Variants in JPH2 observed in about 807,000 individuals in gnomAD.
The protein encoded by JPH2 is junctophilin 2.
Under a neutral mutation model 55.9 loss-of-function variants are expected in JPH2, and 38 were observed. The observed-to-expected ratio is 0.68, with a 90% CI of 0.52 to 0.89. The LOEUF (loss-of-function observed/expected upper bound fraction) is 0.89, where lower values mean the gene tolerates loss of function less well. Ranked by LOEUF, JPH2 falls within the 40% of genes least tolerant of loss-of-function variation. JPH2 has a pLI of 0.00. For missense variants in JPH2, 964 were observed against 1,037.6 expected (o/e 0.93, Z 0.97); for synonymous variants, 480 against 472.4 (o/e 1.02, Z -0.21).
In JPH2 at chr20:44,132,351, GACAGACACACACAC is replaced by G. The variant is rs1450172553; in HGVS notation, c.1170-13742_1170-13729del. Among the ~76,000 whole-genome samples, 14 of 67,496 alleles carry G rather than the reference GACAGACACACACAC, an allele frequency of 2.1e-4. 1 individual carries two copies. Among genetic ancestry groups the G allele is most frequent in the Admixed American group, 7.8e-4 (6 of 7,734 alleles). 44.3% of individuals were successfully genotyped at this position (67,496 alleles called of 152,430 possible). A position where few individuals can be genotyped will look rare whatever the true frequency, so the allele number is the denominator to read the frequency against. On this transcript the variant is annotated intron_variant, in intron 2 of 5. Transcript: ENST00000372980. ...GAATGAGGTGGAAGGGAGGCAGACAGACAGACACACACACACACACACACACACACACACACACA... is the reference window on the plus strand; with the variant it reads ...GAATGAGGTGGAAGGGAGGCAGACAGACACACACACACACACACACACACA...
At chr20:44,134,038 T>TATTATATATATAAATATATATTATTA (rs1474355083) in intron 2 of JPH2, among the ~76,000 whole-genome samples, 1 of 18,722 alleles carries the variant, frequency 5.3e-5, no homozygotes, top group Non-Finnish European at 8.4e-5. Context: ...AAATATATAT[T>TATTATATATATAAATATATATTATTA]TATATATAAA....
chr20:44,167,336 T>C (rs2072663645), intron 1 of JPH2, among the ~76,000 whole-genome samples: 1 of 152,328 alleles, frequency 6.6e-6, no homozygotes, highest in Middle Eastern at 3.4e-3. Context: ...TCTAGCACAG[T>C]TCCCAGGCCC....
rs1335903185 is a variant in JPH2 at position 44,134,627 on chromosome 20, TTTA to T, written c.1170-16007_1170-16005del. 2.5e-3 allele frequency among the ~76,000 whole-genome samples: 172 copies of T among 67,842 alleles called. 9 individuals carry two copies. Among genetic ancestry groups the T allele is most frequent in the African/African-American group, 0.011 (160 of 14,260 alleles). The allele number at this position is 67,842 out of a possible 152,430, so 44.5% of individuals were successfully genotyped here. On this transcript the variant is annotated intron_variant, in intron 2 of 5. Transcript: ENST00000372980. ...TTATTATAAATATAATAAATATATA[TTTA>T]TTATAAATATATAAATATTTATTAT...
chr20:44,145,951 G>A (rs1600849891), intron 2 of JPH2, among the ~76,000 whole-genome samples: 3 of 152,202 alleles, frequency 2.0e-5, no homozygotes, highest in South Asian at 4.2e-4. Context: ...GAAGACTGAA[G>A]GAAGCACGCT....
chr20:44,180,904 C>T (rs1024127928), intron 1 of JPH2, among the ~76,000 whole-genome samples: 1 of 151,624 alleles, frequency 6.6e-6, no homozygotes, highest in Non-Finnish European at 1.5e-5. Flanking sequence ...GTCCAGAGTC[C>T]GCGAGTGTCT....
intron 1 of JPH2, among the ~76,000 whole-genome samples, chr20:44,185,887 T>C (rs969174817): frequency 2.6e-5 from 4 of 151,580 alleles, no homozygotes; most frequent in Non-Finnish European, 5.9e-5. Flanking sequence ...GATGAGTGGA[T>C]AGTTGGATGG....
chr20:44,144,427 C>T (rs1161058436), intron 2 of JPH2, among the ~76,000 whole-genome samples: 6 of 152,258 alleles, frequency 3.9e-5, no homozygotes, highest in African/African-American at 1.2e-4. Context: ...TCACCATAAC[C>T]TTGGGGGGAC....
chr20:44,124,278 T>A (rs774283676), intron 2 of JPH2, among the ~76,000 whole-genome samples: 2 of 152,030 alleles, frequency 1.3e-5, no homozygotes, highest in Non-Finnish European at 2.9e-5. Flanking sequence ...TAGGCATTGG[T>A]GGCTTTATGG....
chr20:44,135,098 G>A (rs1214391497), intron 2 of JPH2, among the ~76,000 whole-genome samples: 3 of 151,178 alleles, frequency 2.0e-5, no homozygotes, highest in African/African-American at 7.3e-5. Flanking sequence ...CAATTGGCAT[G>A]ACCATACCTA....
In JPH2 at chr20:44,127,734, C is replaced by T. The variant is rs527719541; in HGVS notation, c.1170-9111G>A. On this transcript the variant is annotated intron_variant, in intron 2 of 5. Transcript: ENST00000372980. ...TCATCTCCTGACCTCGTGATCCACC[C>T]GCCTCAGCCTCCCAAAGTGCTGGGA... is the stretch of plus-strand genomic sequence containing the variant. 5.3e-5 allele frequency among the ~76,000 whole-genome samples: 8 copies of T among 152,152 alleles called. No individual in the cohort carries two copies. The South Asian group carries it at 6.2e-4, about 12-fold the overall frequency.
At chr20:44,170,154 C>T (rs62204506) in intron 1 of JPH2, among the ~76,000 whole-genome samples, 6,208 of 152,230 alleles carry the variant, frequency 0.041, 137 homozygotes, top group Non-Finnish European at 0.044. Context: ...TATAGAAGTC[C>T]TTACCTGATA....
chr20:44,140,284 CTG>C (rs776282026), intron 2 of JPH2, among the ~76,000 whole-genome samples: 3 of 152,208 alleles, frequency 2.0e-5, no homozygotes, highest in Non-Finnish European at 4.4e-5. Context: ...CAGGGAGAAA[CTG>C]TGCAGGCCTG....
intron 1 of JPH2, among the ~76,000 whole-genome samples, chr20:44,183,265 T>C (rs2072802061): frequency 1.3e-5 from 2 of 152,232 alleles, no homozygotes; most frequent in African/African-American, 4.8e-5. Context: ...CCTAGCACTG[T>C]GCCTGGCATA....
chr20:44,119,988 G>A (rs963301805), intron 2 of JPH2, among the ~76,000 whole-genome samples: 6 of 151,920 alleles, frequency 3.9e-5, no homozygotes, highest in African/African-American at 1.2e-4. Context: ...AACTCCAGCT[G>A]CAGCAGGTAC....
At chr20:44,131,120 A>G (rs909422912) in intron 2 of JPH2, among the ~76,000 whole-genome samples, 6 of 152,180 alleles carry the variant, frequency 3.9e-5, no homozygotes, top group Admixed American at 6.5e-5. Flanking sequence ...CTGGACCTAG[A>G]GACATGCATC....
intron 1 of JPH2, among the ~76,000 whole-genome samples, chr20:44,183,665 C>T (rs954612750): frequency 7.9e-5 from 12 of 152,220 alleles, no homozygotes; most frequent in African/African-American, 2.9e-4. Context: ...AGAGGAGACA[C>T]TAGTGACGAA....
intron 1 of JPH2, among the ~76,000 whole-genome samples, chr20:44,173,946 G>A (rs1417026511): frequency 1.3e-5 from 2 of 152,200 alleles, no homozygotes; most frequent in South Asian, 2.1e-4. Context: ...TTCATCAGAC[G>A]ATGATAAGAT....
chr20:44,167,205 G>C (rs1263408910), intron 1 of JPH2, among the ~76,000 whole-genome samples: 1 of 152,064 alleles, frequency 6.6e-6, no homozygotes, highest in South Asian at 2.1e-4. Flanking sequence ...CTTTCCACAG[G>C]TGCCATTGAA....
intron 1 of JPH2, among the ~76,000 whole-genome samples, chr20:44,169,469 C>T (rs931750683): frequency 3.6e-4 from 55 of 152,164 alleles, no homozygotes; most frequent in African/African-American, 1.1e-3. Context: ...TGAGCCACCA[C>T]GCCTGGCCCT....
Sources: allele counts gnomAD v4.1 joint callset (sites outside exome capture counted in the v4.1 genomes callset), GRCh38; gene constraint gnomAD v4.1.1; transcripts MANE v1.5; gene names NCBI Gene and HGNC (gene_info 2026-07-23, HGNC 2026-07-21).